The following TPO variants were observed in gnomAD, a reference collection of about 807,000 sequenced individuals.
The protein encoded by TPO is thyroid microsomal antigen.
Under a neutral mutation model 96.9 loss-of-function variants are expected in TPO, and 78 were observed. That is an observed-to-expected ratio of 0.81 (90% CI 0.67 to 0.97). The LOEUF (loss-of-function observed/expected upper bound fraction) is 0.97, where lower values mean the gene tolerates loss of function less well. Among genes scored for constraint, TPO ranks in the 50% least tolerant of loss-of-function variants. The pLI is 0.00. For missense variants in TPO, 1,252 were observed against 1,274.8 expected (o/e 0.98, Z 0.27); for synonymous variants, 547 against 538.0 (o/e 1.02, Z -0.23).
intron 15 of TPO, among the ~76,000 whole-genome samples, chr2:1,535,517 T>C (rs560433585): frequency 0.048 from 59 of 1,232 alleles, 4 homozygotes; most frequent in African/African-American, 0.14. Flanking sequence ...GGGTGCAACC[T>C]CCCCAAATCC....
At chr2:1,416,066 C>T (rs1160286295) in intron 2 of TPO, among the ~76,000 whole-genome samples, 8 of 152,140 alleles carry the variant, frequency 5.3e-5, no homozygotes, top group Admixed American at 5.2e-4. Flanking sequence ...CTGTCCCTCC[C>T]CTGCAAATGG....
chr2:1,535,469 A>G (rs1345752957), intron 15 of TPO, among the ~76,000 whole-genome samples: 1 of 10,378 alleles, frequency 9.6e-5, no homozygotes, highest in Non-Finnish European at 1.9e-4. Flanking sequence ...TCCCCAAATC[A>G]GCCCCACTCC....
chr2:1,526,537 C>T (rs1303466342), intron 15 of TPO, among the ~76,000 whole-genome samples: 1 of 144,406 alleles, frequency 6.9e-6, no homozygotes, highest in Non-Finnish European at 1.5e-5. Flanking sequence ...TTCGCAACCT[C>T]CTCAAATCCT....
rs758838779 is a variant in TPO at position 1,493,986 on chromosome 2, CCT to C, written c.1954_1955del (p.Leu652ValfsTer16). On this transcript the variant is annotated frameshift_variant, in exon 11 of 17. Coordinates refer to ENST00000329066, the MANE Select transcript of TPO (RefSeq NM_001206744.2). LOFTEE classifies it high-confidence loss of function. ...NFLPRARTGP[L>X]FACLIGKQMK... is the part of the protein sequence containing the mutation. ...TCCTCCCCAGGGCTCGGACAGGGCC[CCT>C]GTTTGCCTGTCTCATTGGGAAGCAG... 1.9e-6 allele frequency: 3 copies of C among 1,614,040 alleles called. No individual in the cohort carries two copies. Among genetic ancestry groups the C allele is most frequent in the South Asian group, 2.2e-5 (2 of 91,088 alleles).
intron 14 of TPO, among the ~76,000 whole-genome samples, chr2:1,507,561 G>T (rs1430990331): frequency 2.0e-5 from 3 of 152,148 alleles, no homozygotes; most frequent in South Asian, 4.2e-4. Flanking sequence ...TTATTTCATT[G>T]AGCAGTGGTT....
chr2:1,395,675 G>A (rs2148365377), intron 1 of TPO, among the ~76,000 whole-genome samples: 1 of 152,226 alleles, frequency 6.6e-6, no homozygotes, highest in Non-Finnish European at 1.5e-5. Flanking sequence ...GTCAAGGGAG[G>A]GACCTGGTGG....
intron 9 of TPO, 144 bp downstream of exon 9, chr2:1,484,998 G>A: frequency 7.5e-7 from 1 of 1,330,060 alleles, no homozygotes; most frequent in South Asian, 1.4e-5. Context: ...ATGTTGGTTT[G>A]CTGTACCCAT....
intron 5 of TPO, among the ~76,000 whole-genome samples, chr2:1,446,464 C>T (rs552092727): frequency 2.6e-5 from 4 of 152,300 alleles, no homozygotes; most frequent in African/African-American, 9.6e-5. Flanking sequence ...CACCAATCCC[C>T]GTCACTGTGA....
intron 15 of TPO, among the ~76,000 whole-genome samples, chr2:1,527,129 GTGTGCAACCTCCTCAAATCCCCCCACTC>G (rs1676749584): frequency 2.3e-5 from 2 of 85,984 alleles, no homozygotes; most frequent in Admixed American, 1.7e-4. Context: ...TACCCCCACT[GTGTGCAACCTCCTCAAATCCCCCCACTC>G]TGTGCAACCT....
chr2:1,380,211 G>GCT (rs1661787000), intron 1 of TPO, among the ~76,000 whole-genome samples: 1 of 151,814 alleles, frequency 6.6e-6, no homozygotes, highest in Non-Finnish European at 1.5e-5. Context: ...TGGCTAATAC[G>GCT]GTGAAACCCC....
At chr2:1,478,158 T>C (rs1558335077) in intron 8 of TPO, 1 of 985,440 alleles carries the variant, frequency 1.0e-6, no homozygotes, top group South Asian at 4.7e-5. Flanking sequence ...CCTTTCTTCA[T>C]TTTATGACTT....
chr2:1,434,899 C>G (rs1012446294), intron 4 of TPO, among the ~76,000 whole-genome samples: 4 of 152,114 alleles, frequency 2.6e-5, no homozygotes, highest in Admixed American at 1.3e-4. Context: ...TCATGTTGGT[C>G]TTGTGTGTTA....
At chr2:1,478,374 G>A (rs891953306) in intron 8 of TPO, 2 of 985,226 alleles carry the variant, frequency 2.0e-6, no homozygotes, top group South Asian at 4.7e-5. Flanking sequence ...CCTGGGCATC[G>A]TGTCTGCAGT....
At chr2:1,493,160 A>T (rs1671936211) in intron 10 of TPO, among the ~76,000 whole-genome samples, 1 of 122,192 alleles carries the variant, frequency 8.2e-6, no homozygotes. Flanking sequence ...CAATATGGAG[A>T]TGAGTGGCCA....
At chr2:1,527,565 A>G (rs1444012925) in intron 15 of TPO, among the ~76,000 whole-genome samples, 3 of 135,326 alleles carry the variant, frequency 2.2e-5, no homozygotes, top group Admixed American at 2.2e-4. Context: ...TTCCCCAAAT[A>G]CCAACTGTGT....
intron 1 of TPO, among the ~76,000 whole-genome samples, chr2:1,388,856 C>G (rs1233685834): frequency 2.6e-4 from 39 of 152,150 alleles, no homozygotes; most frequent in Admixed American, 2.6e-3. Flanking sequence ...TTGGAACTGC[C>G]CGACGTTAAT....
At chr2:1,468,839 T>G (rs1669130465) in intron 7 of TPO, among the ~76,000 whole-genome samples, 1 of 152,234 alleles carries the variant, frequency 6.6e-6, no homozygotes, top group African/African-American at 2.4e-5. Context: ...TCAGGAATGC[T>G]AATTATTCCT....
At chr2:1,400,657 A>G (rs1418241681) in intron 1 of TPO, among the ~76,000 whole-genome samples, 3 of 150,630 alleles carry the variant, frequency 2.0e-5, no homozygotes, top group African/African-American at 2.4e-5. Flanking sequence ...TATGATGTGC[A>G]AAATTGCCCA....
Position 1,466,584 on chromosome 2 carries a change from G to T in TPO, c.819+10302G>T, listed in dbSNP as rs191653878. On this transcript the variant is annotated intron_variant, in intron 7 of 16. Transcript: ENST00000329066. The stretch of plus-strand genomic sequence containing the variant: ...ATCTTACTGCTTGTTATTGTTCAGG[G>T]TGTCTAATTCTTCCTGACTTAAGCT... Among the ~76,000 whole-genome samples the T allele has an allele frequency of 3.3e-5, 5 of 152,106 alleles. No homozygotes were observed. In the East Asian group the frequency reaches 9.7e-4, roughly 29 times the overall value.
Sources: gnomAD v4.1 joint callset for allele counts (sites outside exome capture counted in the v4.1 genomes callset) on GRCh38, gnomAD v4.1.1 for gene constraint, MANE v1.5 for transcripts, NCBI Gene and HGNC (gene_info 2026-07-23, HGNC 2026-07-21) for gene names.